The following GALK2 variants were observed in gnomAD, a reference collection of about 807,000 sequenced individuals.
The protein encoded by GALK2 is galactokinase 2, also known as N-acetylgalactosamine kinase.
A neutral mutation model predicts 52.4 loss-of-function variants in GALK2; 36 were observed. The ratio of observed to expected loss-of-function variants is 0.69; its 90% CI spans 0.53 to 0.91. The LOEUF (loss-of-function observed/expected upper bound fraction) is 0.91, where lower values mean the gene tolerates loss of function less well. Among genes scored for constraint, GALK2 ranks in the 40% least tolerant of loss-of-function variants. The pLI, the probability that GALK2 is intolerant of heterozygous loss-of-function variation, is 0.00. For missense variants in GALK2, 579 were observed against 559.1 expected (o/e 1.04, Z -0.36); for synonymous variants, 176 against 199.1 (o/e 0.88, Z 0.98).
At chr15:49,297,254 T>C (rs2141845362) in intron 8 of GALK2, among the ~76,000 whole-genome samples, 2 of 152,338 alleles carry the variant, frequency 1.3e-5, no homozygotes, top group East Asian at 3.9e-4. Flanking sequence ...GTCCATGTCC[T>C]TTGCCCATTT....
chr15:49,277,167 T>A (rs1460684524), intron 5 of GALK2, among the ~76,000 whole-genome samples: 330 of 27,736 alleles, frequency 0.012, 39 homozygotes, highest in African/African-American at 0.05. Flanking sequence ...TTTTTTTTTT[T>A]TTTTTTTTTT....
At chr15:49,176,041 C>T (rs752523843) in intron 1 of GALK2, among the ~76,000 whole-genome samples, 2 of 152,332 alleles carry the variant, frequency 1.3e-5, no homozygotes, top group East Asian at 3.9e-4. Flanking sequence ...CCCCTTCCTT[C>T]TTTAACTTGG....
chr15:49,292,018 A>G (rs1246256854), intron 7 of GALK2, among the ~76,000 whole-genome samples: 1 of 152,156 alleles, frequency 6.6e-6, no homozygotes, highest in African/African-American at 2.4e-5. Context: ...TTATTCAAAG[A>G]AACAGCCCTG....
intron 7 of GALK2, among the ~76,000 whole-genome samples, chr15:49,289,820 G>A (rs62009832): frequency 0.032 from 4,898 of 152,164 alleles, 108 homozygotes; most frequent in Non-Finnish European, 0.047. Context: ...CAGGGCCTGC[G>A]TCTGAGAGAA....
downstream of GALK2, chr15:49,331,958 C>T (rs908129669): frequency 2.8e-6 from 2 of 703,196 alleles, no homozygotes; most frequent in Non-Finnish European, 5.1e-6. Context: ...ATTCGTCAAG[C>T]ACTTTACATA....
chr15:49,247,314 T>C (rs1328637297), intron 5 of GALK2, among the ~76,000 whole-genome samples: 1 of 152,158 alleles, frequency 6.6e-6, no homozygotes, highest in East Asian at 1.9e-4. Flanking sequence ...CTAAGCGTAA[T>C]GGAAAACCTT....
At chr15:49,326,255 ATTTTTTTTTT>A (rs35381509) in intron 9 of GALK2, among the ~76,000 whole-genome samples, 1 of 100,690 alleles carries the variant, frequency 9.9e-6, no homozygotes, top group Non-Finnish European at 2.0e-5. Flanking sequence ...TATGACAACC[ATTTTTTTTTT>A]TTTTTTTTTT....
chr15:49,291,934 T>C (rs930803074), intron 7 of GALK2, among the ~76,000 whole-genome samples: 1 of 152,098 alleles, frequency 6.6e-6, no homozygotes, highest in Non-Finnish European at 1.5e-5. Flanking sequence ...TCACATGAGA[T>C]TTAAGTAGTT....
At chr15:49,206,916 A>G (rs115544134) in intron 2 of GALK2, among the ~76,000 whole-genome samples, 1 of 152,114 alleles carries the variant, frequency 6.6e-6, no homozygotes, top group Non-Finnish European at 1.5e-5. Context: ...GTCTTGTCCC[A>G]GTTCTCAGAG....
At chr15:49,205,417 C>A (rs560362129) in intron 2 of GALK2, among the ~76,000 whole-genome samples, 1 of 152,226 alleles carries the variant, frequency 6.6e-6, no homozygotes, top group African/African-American at 2.4e-5. Context: ...TAGATTATGG[C>A]CATTCTTGCA....
At chr15:49,289,266 T>C (rs1189399331) in intron 7 of GALK2, among the ~76,000 whole-genome samples, 2 of 152,080 alleles carry the variant, frequency 1.3e-5, no homozygotes, top group African/African-American at 4.8e-5. Context: ...CAGATGCACA[T>C]GAATGAAGGA....
chr15:49,258,829 T>TGAGAGA (rs1200292800), intron 5 of GALK2, among the ~76,000 whole-genome samples: 76 of 124,102 alleles, frequency 6.1e-4, no homozygotes, highest in African/African-American at 2.2e-3. Context: ...TGTGTGTGTG[T>TGAGAGA]GAGAGAGAGA....
intron 3 of GALK2, among the ~76,000 whole-genome samples, chr15:49,220,333 G>A (rs2089706776): frequency 6.6e-6 from 1 of 151,972 alleles, no homozygotes; most frequent in Non-Finnish European, 1.5e-5. Context: ...AGTTTTTTAA[G>A]TTCCCACATA....
Position 49,194,897 on chromosome 15 carries a change from A to G in GALK2, c.54-6265A>G, listed in dbSNP as rs79294117. Among the ~76,000 whole-genome samples, 938 of 151,910 alleles carry G rather than the reference A, an allele frequency of 6.2e-3. 16 individuals are homozygous for G. Among genetic ancestry groups the G allele is most frequent in the African/African-American group, 0.022 (905 of 41,414 alleles). ...GGCATAAGCCACCGTGCCTGGCTAC[A>G]TATTTGTTTTTCGTAAGGTCTTTTT... On this transcript the variant is annotated intron_variant, in intron 1 of 9. Transcript: ENST00000560031.
upstream of GALK2, among the ~76,000 whole-genome samples, chr15:49,168,655 TTGTAGTGAACAGAGA>T (rs2084904444): frequency 6.6e-6 from 1 of 151,404 alleles, no homozygotes; most frequent in East Asian, 1.9e-4. Flanking sequence ...GAGGTGGAGG[TTGTAGTGAACAGAGA>T]TCATGCCATT....
rs888690508 is a variant in GALK2 at position 49,282,059 on chromosome 15, A to G, written c.577A>G (p.Ile193Val). 1 of 1,613,332 alleles carries G rather than the reference A, an allele frequency of 6.2e-7. No homozygotes were observed. Among genetic ancestry groups the G allele is most frequent in the Non-Finnish European group, 8.5e-7 (1 of 1,179,410 alleles). ...TGAAGGAGGAGGCATGGACCAGTCT[A>G]TATCATTTCTTGCAGAAGAAGGAAC... ...GTEGGGMDQS[I>V]SFLAEEGTAK... The change falls in exon 6 of 10, where the codon ATA becomes GTA. Residue 193 changes from isoleucine (I) to valine (V), a missense_variant. By Grantham distance (29) the Ile-to-Val change is conservative. Transcript: ENST00000560031.
In GALK2 at chr15:49,282,080, G is replaced by C; in HGVS notation, c.598G>C (p.Gly200Arg). 6.2e-7 allele frequency: 1 copy of C among 1,608,436 alleles called. No individual in the cohort carries two copies. Among genetic ancestry groups the C allele is most frequent in the Non-Finnish European group, 8.5e-7 (1 of 1,175,244 alleles). The change falls in exon 6 of 10, where the codon GGA (glycine) becomes CGA (arginine). Residue 200 changes from glycine to arginine, a missense_variant. Physicochemically the swap from Gly to Arg is moderately radical, Grantham distance 125. Coordinates refer to ENST00000560031, the MANE Select transcript of GALK2 (RefSeq NM_002044.4). ...DQSISFLAEE[G>R]TAKLIEFSPL... ...GTCTATATCATTTCTTGCAGAAGAA[G>C]GAACTGTAGGTAGCATTCCAAGTAG... is the stretch of plus-strand genomic sequence containing the variant.
At chr15:49,361,239 C>T (rs191265257) in intron 3 of GALK2, among the ~76,000 whole-genome samples, 1 of 152,010 alleles carries the variant, frequency 6.6e-6, no homozygotes, top group East Asian at 1.9e-4. Flanking sequence ...ACCTATGATG[C>T]AAATTTTTTT....
chr15:49,214,271 C>A (rs2141368945), intron 2 of GALK2, among the ~76,000 whole-genome samples: 1 of 150,136 alleles, frequency 6.7e-6, no homozygotes, highest in South Asian at 2.1e-4. Context: ...AAGAAATCAG[C>A]AAAAAGAAAA....
Sources: allele counts gnomAD v4.1 joint callset (sites outside exome capture counted in the v4.1 genomes callset), GRCh38; gene constraint gnomAD v4.1.1; transcripts MANE v1.5; gene names NCBI Gene and HGNC (gene_info 2026-07-23, HGNC 2026-07-21).